DEFB121: variants seen among roughly 807,000 people sequenced by gnomAD.
DEFB121 encodes defensin beta 121.
Under a neutral mutation model 2.5 loss-of-function variants are expected in DEFB121, and 5 were observed. That is an observed-to-expected ratio of 1.96 (90% CI 1.03 to 4.13). DEFB121 has a LOEUF of 4.13. DEFB121 is among the 30% of genes most tolerant of loss of function. The pLI, the probability that DEFB121 is intolerant of heterozygous loss-of-function variation, is 0.00. For synonymous variants in DEFB121, 39 were observed against 32.6 expected (o/e 1.20, Z -0.67); for missense variants, 87 against 85.0 (o/e 1.02, Z -0.09).
At chr20:31,407,310 A>G (rs1354107672), upstream of DEFB121, among the ~76,000 whole-genome samples, 2 of 152,152 alleles carry the variant, frequency 1.3e-5, no homozygotes, top group Non-Finnish European at 2.9e-5. Context: ...TCCCTACTTG[A>G]ATTCACACAT....
intron 1 of DEFB121, 101 bp from the exon 2 acceptor site, chr20:31,405,186 TGAG>T: frequency 1.7e-6 from 2 of 1,166,142 alleles, no homozygotes; most frequent in East Asian, 5.0e-5. Context: ...AGGAGGGAAA[TGAG>T]GAGGTCTGTG....
chr20:31,411,259 C>T (rs1978655269), intron 1 of DEFB121, among the ~76,000 whole-genome samples: 1 of 152,192 alleles, frequency 6.6e-6, no homozygotes, highest in South Asian at 2.1e-4. Flanking sequence ...GAGTGTCCAC[C>T]ATTCTTAGAT....
chr20:31,410,345 A>T (rs954697380), upstream of DEFB121, among the ~76,000 whole-genome samples: 7 of 152,148 alleles, frequency 4.6e-5, no homozygotes, highest in Non-Finnish European at 7.4e-5. Flanking sequence ...AACCATAGAC[A>T]CTGGGGACTA....
chr20:31,412,764 A>T, exon 1 of DEFB121: 2 of 1,029,782 alleles, frequency 1.9e-6, no homozygotes, highest in South Asian at 1.4e-5. Context: ...GCTCACCGTG[A>T]TCTTCAAGTT....
rs773974946 is a variant in DEFB121 at position 31,405,014 on chromosome 20, A to G, written c.130T>C (p.Cys44Arg). 6 of 1,613,972 alleles carry G rather than the reference A, an allele frequency of 3.7e-6. No individual in the cohort carries two copies. The South Asian group carries it at 6.6e-5, about 18-fold the overall frequency. ...ACACAGCACTTAGCCTCAGTTTTGC[A>G]TAATATATAGTATACTTCACTTTCT... is the stretch of plus-strand genomic sequence containing the variant. ...CKESEVYYIL[C>R]KTEAKCCVDP... Residue 44 changes from cysteine to arginine, a missense_variant, in exon 2 of 2, where the codon TGC becomes CGC. Cys to Arg is a radical substitution (Grantham distance 180). Transcript: ENST00000376314.
chr20:31,406,996 C>T (rs1301961532), upstream of DEFB121, among the ~76,000 whole-genome samples: 1 of 152,038 alleles, frequency 6.6e-6, no homozygotes, highest in Non-Finnish European at 1.5e-5. Context: ...GTAGATTGCC[C>T]CAGCAACTTG....
At chr20:31,405,141 T>C in intron 1 of DEFB121, 56 bp from the exon 2 acceptor site, 1 of 1,537,812 alleles carries the variant, frequency 6.5e-7, no homozygotes, top group Non-Finnish European at 8.7e-7. Context: ...AGCAGAAAGG[T>C]GTGAAAGGAA....
In DEFB121 at chr20:31,412,783, G is replaced by A. The variant is rs1032118559; in HGVS notation, n.56C>T. The A allele has an allele frequency of 3.6e-6, 3 of 838,998 alleles. No homozygotes were observed. The African/African-American group carries it at 5.3e-5, about 15-fold the overall frequency. 52.0% of individuals were successfully genotyped at this position (838,998 alleles called of 1,614,324 possible). On this transcript the variant is annotated non_coding_transcript_exon_variant, in exon 1 of 2. Coordinates refer to the DEFB121 transcript ENST00000376312. ...ACCGTGATCTTCAAGTTTGAAAATT[G>A]CATCTCAAATCTAAGACCCAGAGGG... is the stretch of plus-strand genomic sequence containing the variant.
upstream of DEFB121, among the ~76,000 whole-genome samples, chr20:31,410,361 G>C (rs558273142): frequency 6.6e-6 from 1 of 152,174 alleles, no homozygotes; most frequent in Non-Finnish European, 1.5e-5. Context: ...GACTACTAGA[G>C]TCAGGAGAGA....
intron 1 of DEFB121, 55 bp from the exon 2 acceptor site, chr20:31,405,140 G>T: frequency 6.5e-7 from 1 of 1,539,366 alleles, no homozygotes; most frequent in Non-Finnish European, 8.7e-7. Context: ...AAGCAGAAAG[G>T]TGTGAAAGGA....
chr20:31,407,610 C>T (rs917093915), upstream of DEFB121, among the ~76,000 whole-genome samples: 1 of 152,176 alleles, frequency 6.6e-6, no homozygotes, highest in Admixed American at 6.5e-5. Context: ...GGCATTCCAG[C>T]CTCAAGCAGG....
upstream of DEFB121, among the ~76,000 whole-genome samples, chr20:31,413,658 A>T (rs908192047): frequency 6.7e-6 from 1 of 150,354 alleles, no homozygotes; most frequent in Non-Finnish European, 1.5e-5. Flanking sequence ...ACTAGCCATT[A>T]TATGCCCTGG....
chr20:31,406,967 G>A (rs1978500337), upstream of DEFB121, among the ~76,000 whole-genome samples: 1 of 152,046 alleles, frequency 6.6e-6, no homozygotes, highest in Admixed American at 6.6e-5. Context: ...GCCCAGCTTG[G>A]TCTTTCTTAT....
upstream of DEFB121, among the ~76,000 whole-genome samples, chr20:31,409,630 A>G (rs907470009): frequency 6.6e-6 from 1 of 152,188 alleles, no homozygotes; most frequent in Non-Finnish European, 1.5e-5. Flanking sequence ...AATCCCAGCT[A>G]CTTGGTAGGC....
At chr20:31,412,042 C>T (rs1481137379) in intron 1 of DEFB121, among the ~76,000 whole-genome samples, 1 of 152,236 alleles carries the variant, frequency 6.6e-6, no homozygotes, top group Non-Finnish European at 1.5e-5. Context: ...CATCCTTCTA[C>T]TCCCTTCTCA....
upstream of DEFB121, among the ~76,000 whole-genome samples, chr20:31,416,109 G>GGA (rs1441762099): frequency 6.6e-6 from 1 of 152,082 alleles, no homozygotes; most frequent in Non-Finnish European, 1.5e-5. Flanking sequence ...CACACAGGCT[G>GGA]GAGTTCAGTG....
chr20:31,411,586 G>A (rs6120159), intron 1 of DEFB121, among the ~76,000 whole-genome samples: 6,140 of 151,632 alleles, frequency 0.04, 222 homozygotes, highest in African/African-American at 0.093. Context: ...AAAAGAAAGC[G>A]ATAAAGATCT....
At chr20:31,408,796 C>T (rs868328948), upstream of DEFB121, among the ~76,000 whole-genome samples, 24 of 152,144 alleles carry the variant, frequency 1.6e-4, no homozygotes, top group African/African-American at 5.6e-4. Context: ...GAGACTGAGA[C>T]AGGTGAATCA....
chr20:31,410,351 G>GACT (rs1978623321), upstream of DEFB121, among the ~76,000 whole-genome samples: 1 of 152,126 alleles, frequency 6.6e-6, no homozygotes. Flanking sequence ...AGACACTGGG[G>GACT]ACTACTAGAG....
Sources: allele counts gnomAD v4.1 joint callset (sites outside exome capture counted in the v4.1 genomes callset), GRCh38; gene constraint gnomAD v4.1.1; transcripts MANE v1.5; gene names NCBI Gene and HGNC (gene_info 2026-07-23, HGNC 2026-07-21).